Variants in MNAT1 observed in about 807,000 individuals in gnomAD.
The protein encoded by MNAT1 is CDK-activating kinase assembly factor MAT1.
MNAT1 carries 43 observed loss-of-function variants against 42.0 expected under a neutral mutation model. The observed-to-expected ratio is 1.02, with a 90% CI of 0.80 to 1.32. The LOEUF is 1.32. Among genes scored for constraint, MNAT1 ranks in the 40% most tolerant of loss-of-function variants. MNAT1 has a pLI of 0.00. For synonymous variants in MNAT1, 118 were observed against 120.0 expected (o/e 0.98, Z 0.11); for missense variants, 306 against 350.4 (o/e 0.87, Z 1.01).
chr14:60,738,080 CAAAA>C (rs35298974), intron 1 of MNAT1, among the ~76,000 whole-genome samples: 2 of 115,688 alleles, frequency 1.7e-5, no homozygotes, highest in Non-Finnish European at 3.6e-5. Flanking sequence ...CCCTATCTTA[CAAAA>C]AAAAAAAAAA....
chr14:60,933,613 T>A (rs2035931408), intron 7 of MNAT1, among the ~76,000 whole-genome samples: 1 of 152,170 alleles, frequency 6.6e-6, no homozygotes, highest in Admixed American at 6.5e-5. Context: ...TTTAAGAAAA[T>A]GAGATGTCCT....
At chr14:60,785,551 G>A (rs1026151149) in intron 1 of MNAT1, among the ~76,000 whole-genome samples, 1 of 152,146 alleles carries the variant, frequency 6.6e-6, no homozygotes, top group Non-Finnish European at 1.5e-5. Context: ...GTTAAGCATT[G>A]CTTGTCATAA....
chr14:60,877,852 C>T (rs1443689968), intron 6 of MNAT1, among the ~76,000 whole-genome samples: 1 of 151,944 alleles, frequency 6.6e-6, no homozygotes, highest in Admixed American at 6.6e-5. Flanking sequence ...GTTCTTTCTT[C>T]TCAGAAAAAT....
intron 5 of MNAT1, among the ~76,000 whole-genome samples, chr14:60,818,044 C>G (rs911976469): frequency 6.6e-6 from 1 of 151,904 alleles, no homozygotes; most frequent in Non-Finnish European, 1.5e-5. Context: ...CTTAACTCCA[C>G]AGCACTTTAA....
At chr14:60,745,870 A>T (rs1307658928) in intron 1 of MNAT1, among the ~76,000 whole-genome samples, 1 of 151,500 alleles carries the variant, frequency 6.6e-6, no homozygotes, top group Non-Finnish European at 1.5e-5. Context: ...CTTTTAATGG[A>T]GTGTTTTGAG....
intron 1 of MNAT1, among the ~76,000 whole-genome samples, chr14:60,779,656 C>T (rs1487360375): frequency 2.0e-5 from 3 of 151,902 alleles, no homozygotes; most frequent in South Asian, 2.1e-4. Flanking sequence ...TGTGGTGGTG[C>T]ACGCCTGTAA....
At chr14:60,785,028 T>C (rs1423213117) in intron 1 of MNAT1, among the ~76,000 whole-genome samples, 2 of 152,012 alleles carry the variant, frequency 1.3e-5, no homozygotes, top group Non-Finnish European at 2.9e-5. Flanking sequence ...AATTTTTGTA[T>C]TTTTAGTAGA....
chr14:60,937,383 C>A (rs924689756), intron 7 of MNAT1, among the ~76,000 whole-genome samples: 10 of 152,046 alleles, frequency 6.6e-5, no homozygotes, highest in African/African-American at 9.7e-5. Flanking sequence ...GTCTTTAATC[C>A]ATCTTGAATT....
chr14:60,842,450 A>G, intron 6 of MNAT1, among the ~76,000 whole-genome samples: 1 of 152,168 alleles, frequency 6.6e-6, no homozygotes, highest in East Asian at 1.9e-4. Flanking sequence ...AGCCAGGGCA[A>G]TCAAAGGGTT....
chr14:60,946,507 C>G (rs769297430), intron 7 of MNAT1, among the ~76,000 whole-genome samples: 18 of 152,050 alleles, frequency 1.2e-4, no homozygotes, highest in Non-Finnish European at 2.5e-4. Flanking sequence ...CTTTATGACA[C>G]TACTTCCTTT....
chr14:60,765,072 G>A (rs1482619218), intron 1 of MNAT1, among the ~76,000 whole-genome samples: 2 of 152,160 alleles, frequency 1.3e-5, no homozygotes, highest in Admixed American at 6.5e-5. Context: ...CCAACATGGT[G>A]AAACCCCCGT....
chr14:60,756,274 A>C (rs1240184948), intron 1 of MNAT1, among the ~76,000 whole-genome samples: 1 of 152,246 alleles, frequency 6.6e-6, no homozygotes, highest in Admixed American at 6.5e-5. Flanking sequence ...GAACATATGC[A>C]TTAAAGACAG....
intron 7 of MNAT1, among the ~76,000 whole-genome samples, chr14:60,924,738 G>A (rs2035731697): frequency 6.6e-6 from 1 of 152,154 alleles, no homozygotes; most frequent in Non-Finnish European, 1.5e-5. Flanking sequence ...GGGGATGTTG[G>A]GTAAAGCAAG....
intron 7 of MNAT1, among the ~76,000 whole-genome samples, chr14:60,888,416 C>G (rs1380396996): frequency 6.6e-6 from 1 of 151,710 alleles, no homozygotes. Flanking sequence ...GCTAGAAACT[C>G]TCAATAAATT....
At chr14:60,812,855 C>T (rs2032596027) in intron 5 of MNAT1, among the ~76,000 whole-genome samples, 1 of 152,176 alleles carries the variant, frequency 6.6e-6, no homozygotes, top group Admixed American at 6.5e-5. Context: ...TTTCATCGCT[C>T]AATAAAATTA....
At chr14:60,788,478 A>G (rs1419937907) in intron 1 of MNAT1, among the ~76,000 whole-genome samples, 1 of 152,186 alleles carries the variant, frequency 6.6e-6, no homozygotes, top group Non-Finnish European at 1.5e-5. Flanking sequence ...TCTCCTGAAA[A>G]GACACCCTTG....
chr14:60,906,719 A>G (rs1299707953), intron 7 of MNAT1, among the ~76,000 whole-genome samples: 1 of 152,226 alleles, frequency 6.6e-6, no homozygotes, highest in Non-Finnish European at 1.5e-5. Flanking sequence ...ATAAAACTGA[A>G]TAAAAGTCTT....
chr14:60,805,013 TCATAC>T (rs1419597338), intron 3 of MNAT1, among the ~76,000 whole-genome samples: 2 of 152,214 alleles, frequency 1.3e-5, no homozygotes, highest in Non-Finnish European at 2.9e-5. Flanking sequence ...TTCAGTAGAT[TCATAC>T]CATAAGAAAC....
At chr14:60,752,923 C>A (rs1165986065) in intron 1 of MNAT1, among the ~76,000 whole-genome samples, 1 of 152,116 alleles carries the variant, frequency 6.6e-6, no homozygotes, top group African/African-American at 2.4e-5. Flanking sequence ...CACCACCATG[C>A]CCGACTAATT....
Sources: gnomAD v4.1 joint callset for allele counts (sites outside exome capture counted in the v4.1 genomes callset) on GRCh38, gnomAD v4.1.1 for gene constraint, MANE v1.5 for transcripts, NCBI Gene and HGNC (gene_info 2026-07-23, HGNC 2026-07-21) for gene names.